CLUH: variants seen among roughly 807,000 people sequenced by gnomAD.
CLUH encodes CLUH binding protein of NUMT mRNA.
Under a neutral mutation model 139.3 loss-of-function variants are expected in CLUH, and 77 were observed. The ratio of observed to expected loss-of-function variants is 0.55; its 90% CI spans 0.46 to 0.67. The LOEUF is 0.67. Ranked by LOEUF, CLUH falls within the 30% of genes least tolerant of loss-of-function variation. The probability of loss-of-function intolerance (pLI) is 0.00; values close to 1 mark genes in which losing one functional copy is unlikely to be tolerated. For missense variants in CLUH, 1,876 were observed against 1,875.8 expected, an observed-to-expected ratio of 1.00 and a Z score of 0.00; for synonymous variants, 999 against 801.6, an observed-to-expected ratio of 1.25 and a Z score of -4.16.
At chr17:2,710,634 C>T (rs2070485703) in intron 1 of CLUH, among the ~76,000 whole-genome samples, 1 of 152,190 alleles carries the variant, frequency 6.6e-6, no homozygotes, top group East Asian at 1.9e-4. Context: ...GATTCCAGCC[C>T]CAAGGCTGGA....
Position 2,707,109 on chromosome 17 carries a change from T to C in CLUH, c.101-2545A>G. 1.1e-6 allele frequency: 1 copy of C among 931,334 alleles called. No individual in the cohort carries two copies. Among genetic ancestry groups the C allele is most frequent in the Non-Finnish European group, 1.3e-6 (1 of 780,610 alleles). The allele number at this position is 931,334 out of a possible 1,614,324, so 57.7% of individuals were successfully genotyped here. ...GGAACCCCGAAGGTCTCCCCACCCCTGGATGAAGGCTGAGCGATCTCCCCC... is the reference window on the plus strand; with the variant it reads ...GGAACCCCGAAGGTCTCCCCACCCCCGGATGAAGGCTGAGCGATCTCCCCC... On this transcript the variant is annotated intron_variant, in intron 1 of 25. Transcript: ENST00000651024. This position sits in a 1 kb window ranked among gnomAD's most constrained non-coding sequence, Gnocchi z 7.4.
In CLUH at chr17:2,698,554, C is replaced by A; in HGVS notation, c.1303G>T (p.Ala435Ser). 2 of 1,609,858 alleles carry A rather than the reference C, an allele frequency of 1.2e-6. No homozygotes were observed. The highest frequency in any genetic ancestry group is 1.7e-6 in the Non-Finnish European group (2 of 1,177,874). ...ACGTTGCCGTCAATGACGGCCATGG[C>A]GCCCCTGGTGGCTGCCGCGGTGAAG... The part of the protein sequence containing the change: ...SDFTAAATRG[A>S]MAVIDGNVMA... The change falls in exon 10 of 26, where the codon GCC becomes TCC. Residue 435 changes from alanine to serine, a missense_variant. By Grantham distance (99) the Ala-to-Ser change is moderately conservative. Coordinates refer to ENST00000651024, the MANE Select transcript of CLUH (RefSeq NM_001366661.1).
chr17:2,692,542 C>T, intron 21 of CLUH, 29 bp downstream of exon 21: 1 of 1,601,722 alleles, frequency 6.2e-7, no homozygotes, highest in Non-Finnish European at 8.5e-7. Context: ...GGAGCTGGGT[C>T]CCTGCCGCCC....
rs1378639715 is a variant in CLUH at position 2,694,473 on chromosome 17, T to G, written c.2937+7A>C. 1 of 1,571,272 alleles carries G rather than the reference T, an allele frequency of 6.4e-7. No individual in the cohort carries two copies. Among genetic ancestry groups the G allele is most frequent in the Non-Finnish European group, 8.6e-7 (1 of 1,158,254 alleles). On this transcript the variant is annotated splice_region_variant and intron_variant, in intron 17 of 25. Transcript: ENST00000651024. The stretch of plus-strand genomic sequence containing the variant: ...GACACAGCGGGGATGCTGTGAGCCA[T>G]GCCCACCTGGATCCCTGTTTTCAGC...
chr17:2,709,896 T>C (rs1292785022), intron 1 of CLUH, among the ~76,000 whole-genome samples: 1 of 152,160 alleles, frequency 6.6e-6, no homozygotes, highest in East Asian at 1.9e-4. Context: ...CCCACGAGTA[T>C]GCTCCCAGTT....
chr17:2,696,565 C>G, intron 11 of CLUH, 27 bp from the exon 12 acceptor site: 1 of 1,546,062 alleles, frequency 6.5e-7, no homozygotes, highest in Non-Finnish European at 8.7e-7. Flanking sequence ...CCATGAGACA[C>G]GGGTCCCCTC....
In CLUH at chr17:2,698,483, G is replaced by T; in HGVS notation, c.1374C>A (p.Ile458=). 1 of 1,613,222 alleles carries T rather than the reference G, an allele frequency of 6.2e-7. No individual in the cohort carries two copies. ...CCAGGCTGAAGAAGATGTTGTTCCA[G>T]ATGAACATCTGCATCTTGGTCTCCT... is the stretch of plus-strand genomic sequence containing the variant. The part of the protein sequence containing the change: ...PSEETKMQMF[I]WNNIFFSLGF... Residue 458 remains isoleucine (I), a synonymous_variant, in exon 10 of 26, where the codon ATC becomes ATA. Transcript: ENST00000651024.
intron 16 of CLUH, 42 bp from the exon 17 acceptor site, chr17:2,694,606 G>T: frequency 6.6e-7 from 1 of 1,519,422 alleles, no homozygotes; most frequent in Non-Finnish European, 8.9e-7. Flanking sequence ...AAGCACCGCC[G>T]GGCCCCCCCA....
At position 2,690,537 on chromosome 17, in the gene CLUH, C is replaced by T; in HGVS notation, c.*57G>A. ...CGCCCGCAGGCTCGCCCCCTTCTCC[C>T]GCAGTCGGGCTCCCTGGTGACGGGG... On this transcript the variant is annotated 3_prime_UTR_variant, in exon 26 of 26. Coordinates refer to ENST00000651024, the MANE Select transcript of CLUH (RefSeq NM_001366661.1). 2 of 1,370,350 alleles carry T rather than the reference C, an allele frequency of 1.5e-6. No homozygotes were observed. Among genetic ancestry groups the T allele is most frequent in the African/African-American group, 1.5e-5 (1 of 66,230 alleles). The allele number at this position is 1,370,350 out of a possible 1,614,324, so 84.9% of individuals were successfully genotyped here. A position where few individuals can be genotyped will look rare whatever the true frequency, so the allele number is the denominator to read the frequency against.
intron 1 of CLUH, among the ~76,000 whole-genome samples, chr17:2,709,890 C>G (rs927622524): frequency 1.3e-5 from 2 of 152,170 alleles, no homozygotes; most frequent in African/African-American, 4.8e-5. Context: ...GTCCTGCCCA[C>G]GAGTATGCTC....
Position 2,692,685 on chromosome 17 carries a change from G to A in CLUH, c.3324C>T (p.Ala1108=), listed in dbSNP as rs780368280. ...PNTIQEYMHL[A]LYCFASSQLS... ...GCTGGCTGCTGGCGAAGCAGTACAG[G>A]GCCAGGTGCATCTGCGGGCGGGGCG... The change falls in exon 21 of 26, where the codon GCC becomes GCT. Residue 1108 remains alanine (A), a synonymous_variant. Transcript: ENST00000651024. 4 of 1,610,886 alleles carry A rather than the reference G, an allele frequency of 2.5e-6. No individual in the cohort carries two copies. The highest frequency in any genetic ancestry group is 3.3e-5 in the Admixed American group (2 of 59,826).
At chr17:2,708,071 G>A (rs2070399121) in intron 1 of CLUH, 36 of 929,536 alleles carry the variant, frequency 3.9e-5, no homozygotes, top group Non-Finnish European at 4.5e-5. Flanking sequence ...TGGCCGCACG[G>A]CGGGGGAGGA....
Position 2,692,116 on chromosome 17 carries a change from C to A in CLUH, c.3561-19G>T. On this transcript the variant is annotated intron_variant, in intron 22 of 25. Transcript: ENST00000651024. ...GTGGTGGCTGCCGGGAGGCGCGGCG[C>A]GGGGCGAGGGAAGGGCATAAGTGGG... The A allele has an allele frequency of 6.3e-7, 1 of 1,585,748 alleles. No individual in the cohort carries two copies.
Position 2,694,202 on chromosome 17 carries a change from G to A in CLUH, c.3012C>T (p.Phe1004=), listed in dbSNP as rs11555440. The A allele has an allele frequency of 6.2e-7, 1 of 1,613,478 alleles. No homozygotes were observed. Among genetic ancestry groups the A allele is most frequent in the Non-Finnish European group, 8.5e-7 (1 of 1,179,690 alleles). ...AFTEEDVLNI[F]PVVKHVNPKA... is the part of the protein sequence containing the mutation. ...TGGGGTTGACGTGCTTGACCACGGG[G>A]AAGATGTTGAGCACGTCCTCCTCGG... Residue 1004 remains phenylalanine (F), a synonymous_variant, in exon 18 of 26, where the codon TTC becomes TTT. Transcript: ENST00000651024.
At chr17:2,696,986 G>T (rs532628643) in intron 10 of CLUH, 44 bp from the exon 11 acceptor site, 2 of 1,438,064 alleles carry the variant, frequency 1.4e-6, no homozygotes, top group East Asian at 5.0e-5. Flanking sequence ...GGACATCGGG[G>T]AGAGGAGCTC....
chr17:2,694,822 T>TACCACCCCCCCCCCCCCCCCAGCCC, intron 16 of CLUH, 35 bp downstream of exon 16: 1 of 1,346,334 alleles, frequency 7.4e-7, no homozygotes, highest in Non-Finnish European at 1.0e-6. Context: ...ATCTGCCCAA[T>TACCACCCCCCCCCCCCCCCCAGCCC]CCCACCCACC....
In CLUH at chr17:2,703,234, A is replaced by G. The variant is rs1448601623; in HGVS notation, c.475+84T>C. 1 of 1,418,286 alleles carries G rather than the reference A, an allele frequency of 7.1e-7. No homozygotes were observed. The highest frequency in any genetic ancestry group is 9.6e-7 in the Non-Finnish European group (1 of 1,046,490). 87.9% of individuals were successfully genotyped at this position (1,418,286 alleles called of 1,614,324 possible). ...CTGCCTCCATGAGCTCATCCGTGAC[A>G]CAGGGACCCTGGCATGGATGGTGCT... On this transcript the variant is annotated intron_variant, in intron 3 of 25. Transcript: ENST00000651024. The surrounding 1 kb of genome is among the most constrained non-coding windows in gnomAD (Gnocchi z 4.2).
At chr17:2,694,708 C>A in intron 16 of CLUH, 144 bp from the exon 17 acceptor site, 4 of 1,355,108 alleles carry the variant, frequency 3.0e-6, no homozygotes, top group Non-Finnish European at 4.0e-6. Flanking sequence ...TGCCCTCACC[C>A]TCCAGCACCC....
Position 2,703,623 on chromosome 17 carries a change from G to T in CLUH, c.304-134C>A. On this transcript the variant is annotated intron_variant, in intron 2 of 25. Transcript: ENST00000651024. This position sits in a 1 kb window ranked among gnomAD's most constrained non-coding sequence, Gnocchi z 4.2. ...CCTTGTCCCCAGCCCAAAGTACCTTGGTCCCCAGAATAAATGCCCCAAATA... is the reference window on the plus strand; with the variant it reads ...CCTTGTCCCCAGCCCAAAGTACCTTTGTCCCCAGAATAAATGCCCCAAATA... 1 of 809,030 alleles carries T rather than the reference G, an allele frequency of 1.2e-6. No homozygotes were observed. Among genetic ancestry groups the T allele is most frequent in the Non-Finnish European group, 1.9e-6 (1 of 518,130 alleles). 50.1% of individuals were successfully genotyped at this position (809,030 alleles called of 1,614,324 possible). A position where few individuals can be genotyped will look rare whatever the true frequency, so the allele number is the denominator to read the frequency against.
Sources: allele counts gnomAD v4.1 joint callset (sites outside exome capture counted in the v4.1 genomes callset), GRCh38; gene constraint gnomAD v4.1.1; non-coding constraint Gnocchi (gnomAD v3.1); transcripts MANE v1.5; gene names NCBI Gene and HGNC (gene_info 2026-07-23, HGNC 2026-07-21).